ESPNL: variants seen among roughly 807,000 people sequenced by gnomAD.
ESPNL encodes espin like.
In ESPNL, 49 loss-of-function variants were observed where a neutral mutation model predicts 46.8. The observed-to-expected ratio is 1.05, with a 90% confidence interval of 0.83 to 1.33. The LOEUF is 1.33. Ranked by LOEUF, ESPNL falls within the 40% of genes most tolerant of loss-of-function variation. The pLI is 0.00. For missense variants in ESPNL, 1,540 were observed against 1,436.6 expected, an observed-to-expected ratio of 1.07 and a Z score of -1.16; for synonymous variants, 664 against 662.1, an observed-to-expected ratio of 1.00 and a Z score of -0.04.
intron 5 of ESPNL, among the ~76,000 whole-genome samples, chr2:238,118,778 GGGA>G: frequency 1.9e-5 from 1 of 53,042 alleles, no homozygotes; most frequent in Non-Finnish European, 3.4e-5. Flanking sequence ...GATGGAGGAG[GGGA>G]GATGGAGGAG....
At chr2:238,101,888 G>A in intron 1 of ESPNL, 53 bp from the exon 2 acceptor site, 3 of 1,419,094 alleles carry the variant, frequency 2.1e-6, no homozygotes, top group Non-Finnish European at 2.9e-6. Context: ...CCGGCAGCTG[G>A]CTCTGACCTC....
chr2:238,108,404 AC>A (rs5839685), intron 4 of ESPNL, among the ~76,000 whole-genome samples: 20,297 of 152,118 alleles, frequency 0.13, 1,549 homozygotes, highest in South Asian at 0.28. Flanking sequence ...CAAAAACCCC[AC>A]GTAGGCAGGG....
intron 4 of ESPNL, among the ~76,000 whole-genome samples, chr2:238,108,439 A>T (rs925964832): frequency 1.1e-4 from 17 of 152,200 alleles, no homozygotes; most frequent in African/African-American, 4.1e-4. Flanking sequence ...GTTCAACAAC[A>T]TCAGAACCAC....
Position 238,114,438 on chromosome 2 carries a change from C to G in ESPNL, c.856-2465C>G, listed in dbSNP as rs888194720. Among the ~76,000 whole-genome samples the G allele has an allele frequency of 9.8e-5, 15 of 152,334 alleles. No individual in the cohort carries two copies. The South Asian group carries it at 1.0e-3, about 11-fold the overall frequency. On this transcript the variant is annotated intron_variant, in intron 4 of 8. Transcript: ENST00000343063. The surrounding 1 kb of genome is among the most constrained non-coding windows in gnomAD (Gnocchi z 5.0). ...CGCCTCCACCCACCCACACACCCACCGCGCCCTGGCAAACCTTTGCCATTC... is the reference window on the plus strand; with the variant it reads ...CGCCTCCACCCACCCACACACCCACGGCGCCCTGGCAAACCTTTGCCATTC...
chr2:238,116,988 A>C lies in ESPNL; in HGVS notation c.941A>C (p.His314Pro), dbSNP rs767951587. 1 of 1,612,470 alleles carries C rather than the reference A, an allele frequency of 6.2e-7. No homozygotes were observed. Among genetic ancestry groups the C allele is most frequent in the South Asian group, 1.1e-5 (1 of 91,066 alleles). Residue 314 changes from histidine to proline, a missense_variant, in exon 5 of 9, where the codon CAT (histidine) becomes CCT (proline). Coordinates refer to ENST00000343063, the MANE Select transcript of ESPNL (RefSeq NM_194312.4). ...GYTAADLAEY[H>P]GHRDCAQYLR... is the part of the protein sequence containing the mutation. The stretch of plus-strand genomic sequence containing the variant: ...ACGGCGGCAGACCTGGCGGAGTACC[A>C]TGGACACCGGGACTGCGCCCAGTAC...
intron 4 of ESPNL, among the ~76,000 whole-genome samples, chr2:238,115,314 C>G (rs748596102): frequency 6.6e-6 from 1 of 152,224 alleles, no homozygotes; most frequent in Non-Finnish European, 1.5e-5. Flanking sequence ...CACTCGCCCT[C>G]GAGGTCTCAA....
Position 238,131,630 on chromosome 2 carries a change from CCAGCAGGG to C in ESPNL, c.2921_2928del (p.Gln974LeufsTer4). On this transcript the variant is annotated frameshift_variant, in exon 9 of 9. Transcript: ENST00000343063. LOFTEE classifies it high-confidence loss of function. ...CAGCACAGCGGCTGGGGTCCCGCTC[CCAGCAGGG>C]CAGCTTCAACGGTGAGGACATCTGC... 1 of 1,611,152 alleles carries C rather than the reference CCAGCAGGG, an allele frequency of 6.2e-7. No individual in the cohort carries two copies. Among genetic ancestry groups the C allele is most frequent in the Non-Finnish European group, 8.5e-7 (1 of 1,178,614 alleles).
At position 238,104,648 on chromosome 2, in the gene ESPNL, C is replaced by T. The variant is rs780471889; in HGVS notation, c.486-8C>T. On this transcript the variant is annotated splice_polypyrimidine_tract_variant and splice_region_variant and intron_variant, in intron 2 of 8. Coordinates refer to ENST00000343063, the MANE Select transcript of ESPNL (RefSeq NM_194312.4). ...GGACTGGGCCTCCAAACCCTCCCTTCCCTGCAGCAGCGTGAACCGGCGGAC... is the reference window on the plus strand; with the variant it reads ...GGACTGGGCCTCCAAACCCTCCCTTTCCTGCAGCAGCGTGAACCGGCGGAC... 1.9e-6 allele frequency: 3 copies of T among 1,566,258 alleles called. No individual in the cohort carries two copies. The highest frequency in any genetic ancestry group is 2.3e-5 in the South Asian group (2 of 85,438).
At position 238,131,648 on chromosome 2, in the gene ESPNL, C is replaced by A. The variant is rs182590742; in HGVS notation, c.2934C>A (p.Asn978Lys). ...CCCGCTCCCAGCAGGGCAGCTTCAA[C>A]GGTGAGGACATCTGCGGCTACATCA... The part of the protein sequence containing the change: ...LGSRSQQGSF[N>K]GEDICGYINR... Residue 978 changes from asparagine (N) to lysine (K), a missense_variant, in exon 9 of 9, where the codon AAC becomes AAA. By Grantham distance (94) the Asn-to-Lys change is moderately conservative (BLOSUM62 0). Coordinates refer to ENST00000343063, the MANE Select transcript of ESPNL (RefSeq NM_194312.4). The A allele has an allele frequency of 6.2e-7, 1 of 1,609,400 alleles. No homozygotes were observed. The highest frequency in any genetic ancestry group is 8.5e-7 in the Non-Finnish European group (1 of 1,177,082).
chr2:238,119,042 A>G (rs1691907219), intron 5 of ESPNL, among the ~76,000 whole-genome samples: 1 of 140,568 alleles, frequency 7.1e-6, no homozygotes, highest in Non-Finnish European at 1.5e-5. Context: ...GGGTGAATGG[A>G]GGAGGAATGA....
rs776587934 is a variant in ESPNL, at chr2:238,131,974, G to A, written c.*242G>A. 3 of 465,048 alleles carry A rather than the reference G, an allele frequency of 6.5e-6. No individual in the cohort carries two copies. Among genetic ancestry groups the A allele is most frequent in the Non-Finnish European group, 1.1e-5 (3 of 264,270 alleles). The allele number at this position is 465,048 out of a possible 1,614,324, so 28.8% of individuals were successfully genotyped here. On this transcript the variant is annotated 3_prime_UTR_variant, in exon 9 of 9. Coordinates refer to ENST00000343063, the MANE Select transcript of ESPNL (RefSeq NM_194312.4). ...TGGCAGGTCCTGAAGTGAGGCAATG[G>A]GCCACCCCAGTCCAGGGCACCTCTG...
At chr2:238,118,510 G>GA in intron 5 of ESPNL, among the ~76,000 whole-genome samples, 1 of 132,392 alleles carries the variant, frequency 7.6e-6, no homozygotes, top group Non-Finnish European at 1.6e-5. Flanking sequence ...GATGGAGGAG[G>GA]GTGGATGGAG....
At chr2:238,128,669 C>A (rs1283567387) in intron 7 of ESPNL, 38 bp from the exon 8 acceptor site, 3 of 1,548,870 alleles carry the variant, frequency 1.9e-6, no homozygotes, top group Non-Finnish European at 2.6e-6. Flanking sequence ...GGGCCTGGGT[C>A]CCCTTCGGGC....
chr2:238,129,231 G>A (rs1465827879), intron 8 of ESPNL: 5 of 1,250,984 alleles, frequency 4.0e-6, no homozygotes, highest in Non-Finnish European at 5.0e-6. Flanking sequence ...CCCATGGGCA[G>A]GTGCCGGCAG....
chr2:238,100,606 G>A lies in ESPNL; in HGVS notation c.187G>A (p.Gly63Ser), dbSNP rs200543541. 318 of 1,508,836 alleles carry A rather than the reference G, an allele frequency of 2.1e-4. 1 individual carries two copies. The African/African-American group carries it at 3.4e-3, about 16-fold the overall frequency. 93.5% of individuals were successfully genotyped at this position (1,508,836 alleles called of 1,614,324 possible). A position where few individuals can be genotyped will look rare whatever the true frequency, so the allele number is the denominator to read the frequency against. The change falls in exon 1 of 9, where the codon GGC (glycine) becomes AGC (serine). Residue 63 changes from glycine (G) to serine (S), a missense_variant. Physicochemically the swap from Gly to Ser is moderately conservative, Grantham distance 56. Coordinates refer to ENST00000343063, the MANE Select transcript of ESPNL (RefSeq NM_194312.4). ...KFLVQRAQLPGNQRAHNGATP... is the reference protein window; with the variant it reads ...KFLVQRAQLPSNQRAHNGATP... ...CTTGGTGCAGCGGGCCCAGCTGCCC[G>A]GCAACCAGCGGGCCCACAACGGGGC...
chr2:238,102,641 C>T (rs896263713), intron 2 of ESPNL, among the ~76,000 whole-genome samples: 10 of 152,136 alleles, frequency 6.6e-5, no homozygotes, highest in African/African-American at 2.2e-4. Context: ...GGGCCCTGTG[C>T]CCCCTGCTGG....
In ESPNL at chr2:238,104,806, C is replaced by T. The variant is rs941596516; in HGVS notation, c.636C>T (p.Ala212=). The change falls in exon 3 of 9, where the codon GCC becomes GCT. Residue 212 remains alanine, a synonymous_variant. Coordinates refer to ENST00000343063, the MANE Select transcript of ESPNL (RefSeq NM_194312.4). The stretch of plus-strand genomic sequence containing the variant: ...ATGGCATGAGCGCCCTGCACGCTGC[C>T]GCCGCCCGTGGCCACTACTCCCTCG... The part of the protein sequence containing the change: ...ALDGMSALHA[A]AARGHYSLVV... 1.2e-5 allele frequency: 19 copies of T among 1,558,464 alleles called. No homozygotes were observed. The highest frequency in any genetic ancestry group is 7.5e-5 in the Admixed American group (4 of 53,622).
At chr2:238,119,047 G>A (rs1432761079) in intron 5 of ESPNL, among the ~76,000 whole-genome samples, 13 of 147,078 alleles carry the variant, frequency 8.8e-5, no homozygotes, top group African/African-American at 3.3e-4. Flanking sequence ...AATGGAGGAG[G>A]AATGAATGGA....
At chr2:238,111,942 C>T (rs908686230) in intron 4 of ESPNL, among the ~76,000 whole-genome samples, 1 of 152,014 alleles carries the variant, frequency 6.6e-6, no homozygotes, top group Non-Finnish European at 1.5e-5. Flanking sequence ...GATTTTTGGC[C>T]TTATATTCTT....
Sources: allele counts gnomAD v4.1 joint callset (sites outside exome capture counted in the v4.1 genomes callset), GRCh38; gene constraint gnomAD v4.1.1; non-coding constraint Gnocchi (gnomAD v3.1); transcripts MANE v1.5; gene names NCBI Gene and HGNC (gene_info 2026-07-23, HGNC 2026-07-21).